The following ERC1 variants were observed in gnomAD, a reference collection of about 807,000 sequenced individuals.
ERC1 encodes ELKS/RAB6-interacting/CAST family member 1.
In ERC1, 56 loss-of-function variants were observed where a neutral mutation model predicts 132.0. The observed-to-expected ratio is 0.42, with a 90% CI of 0.34 to 0.53. ERC1 has a LOEUF of 0.53. Among genes scored for constraint, ERC1 ranks in the 20% least tolerant of loss-of-function variants. The probability of loss-of-function intolerance (pLI) is 0.03; values close to 1 mark genes in which losing one functional copy is unlikely to be tolerated. For synonymous variants in ERC1, 478 were observed against 476.1 expected (o/e 1.00, Z -0.05); for missense variants, 1,202 against 1,349.9 (o/e 0.89, Z 1.72).
intron 14 of ERC1, among the ~76,000 whole-genome samples, chr12:1,265,960 C>T (rs1324181516): frequency 2.0e-5 from 3 of 152,264 alleles, no homozygotes; most frequent in African/African-American, 4.8e-5. Context: ...TGTTGAAGGA[C>T]GTCTTGGTAC....
At chr12:1,352,372 G>A (rs1459295189) in intron 15 of ERC1, among the ~76,000 whole-genome samples, 1 of 152,146 alleles carries the variant, frequency 6.6e-6, no homozygotes, top group African/African-American at 2.4e-5. Context: ...AAAAGACACT[G>A]GGAAAGGCAG....
chr12:1,386,333 G>A (rs367705375), intron 16 of ERC1, among the ~76,000 whole-genome samples: 29 of 151,118 alleles, frequency 1.9e-4, no homozygotes, highest in African/African-American at 6.1e-4. Context: ...CACTGTGCCC[G>A]GTCACAAAAA....
intron 3 of ERC1, among the ~76,000 whole-genome samples, chr12:1,099,835 ATTTTTTTTTTTTTTTTTTT>A (rs779732035): frequency 3.7e-5 from 2 of 54,364 alleles, no homozygotes; most frequent in African/African-American, 7.4e-5. Context: ...TGAGACTTTG[ATTTTTTTTTTTTTTTTTTT>A]TTTTTTTTTT....
chr12:1,409,415 G>C (rs1320802954), intron 17 of ERC1, among the ~76,000 whole-genome samples: 1 of 152,160 alleles, frequency 6.6e-6, no homozygotes, highest in African/African-American at 2.4e-5. Context: ...AGAACTGGAT[G>C]CCTGGAGTAG....
chr12:1,446,131 A>C (rs2093297675), intron 18 of ERC1, among the ~76,000 whole-genome samples: 1 of 152,042 alleles, frequency 6.6e-6, no homozygotes, highest in South Asian at 2.1e-4. Context: ...CCTAGACGAC[A>C]TTTTCTGTTT....
chr12:1,414,397 G>A (rs142670230), intron 17 of ERC1, among the ~76,000 whole-genome samples: 2 of 152,254 alleles, frequency 1.3e-5, no homozygotes, highest in East Asian at 3.9e-4. Context: ...TTTTTATAAA[G>A]GCACTAATTC....
intron 15 of ERC1, among the ~76,000 whole-genome samples, chr12:1,359,947 C>CT (rs35912764): frequency 2.2e-4 from 33 of 149,752 alleles, no homozygotes; most frequent in Non-Finnish European, 3.3e-4. Flanking sequence ...TAGATGCAGG[C>CT]TTTTTTTTTT....
intron 15 of ERC1, among the ~76,000 whole-genome samples, chr12:1,317,168 G>GAAA (rs139637325): frequency 1.9e-5 from 2 of 107,690 alleles, no homozygotes; most frequent in Admixed American, 1.0e-4. Flanking sequence ...TCTCAAAAAC[G>GAAA]AAAAAAAAAA....
At chr12:1,316,523 T>C (rs2081740659) in intron 15 of ERC1, among the ~76,000 whole-genome samples, 1 of 152,146 alleles carries the variant, frequency 6.6e-6, no homozygotes, top group Non-Finnish European at 1.5e-5. Context: ...AATATCTCTG[T>C]GAAATAAAGC....
chr12:1,419,894 C>G (rs2092355493), intron 17 of ERC1, among the ~76,000 whole-genome samples: 1 of 148,056 alleles, frequency 6.8e-6, no homozygotes, highest in Non-Finnish European at 1.5e-5. Flanking sequence ...ACATTCAAAA[C>G]ATGCACTGAA....
intron 12 of ERC1, among the ~76,000 whole-genome samples, chr12:1,225,028 AAAG>A (rs957221302): frequency 6.6e-6 from 1 of 152,136 alleles, no homozygotes; most frequent in Non-Finnish European, 1.5e-5. Flanking sequence ...CAAAAAACAA[AAAG>A]AAAAAAACAT....
chr12:1,248,108 C>T (rs1004285028), intron 13 of ERC1, among the ~76,000 whole-genome samples: 3 of 152,148 alleles, frequency 2.0e-5, no homozygotes, highest in Admixed American at 6.5e-5. Context: ...AGAGTTATAC[C>T]TAGACCTAGA....
intron 3 of ERC1, among the ~76,000 whole-genome samples, chr12:1,100,999 A>G (rs1944595859): frequency 6.6e-6 from 1 of 152,122 alleles, no homozygotes; most frequent in South Asian, 2.1e-4. Flanking sequence ...CCAAGGAAAG[A>G]GAGTAGAATA....
chr12:1,319,435 C>G (rs2081974380), intron 15 of ERC1, among the ~76,000 whole-genome samples: 1 of 152,130 alleles, frequency 6.6e-6, no homozygotes, highest in Admixed American at 6.5e-5. Context: ...GTTTGAGTTT[C>G]TATATTACAC....
intron 16 of ERC1, among the ~76,000 whole-genome samples, chr12:1,384,211 A>T (rs2089049291): frequency 6.6e-6 from 1 of 152,242 alleles, no homozygotes; most frequent in Non-Finnish European, 1.5e-5. Flanking sequence ...GACTGCCCCC[A>T]ATTTTAAAAA....
chr12:1,494,414 A>G lies in ERC1; in HGVS notation c.*4184A>G, dbSNP rs181051658. 337 of 232,194 alleles carry G rather than the reference A, an allele frequency of 1.5e-3. 8 individuals carry two copies. In the East Asian group the frequency reaches 0.02, roughly 14 times the overall value. The allele number at this position is 232,194 out of a possible 1,614,324, so 14.4% of individuals were successfully genotyped here. On this transcript the variant is annotated 3_prime_UTR_variant, in exon 19 of 19. Transcript: ENST00000360905. ...AAGAAAAGACATACATTACAGGGAA[A>G]TCCTTCTGAACAAAATGGCTGTCTT... is the stretch of plus-strand genomic sequence containing the variant.
chr12:1,405,996 CAG>C (rs1034935844), intron 16 of ERC1, among the ~76,000 whole-genome samples: 2 of 152,030 alleles, frequency 1.3e-5, no homozygotes, highest in African/African-American at 4.8e-5. Context: ...TTTTTTAAAA[CAG>C]TATTTTAGAA....
chr12:1,173,979 CA>C (rs1421552037), intron 8 of ERC1, among the ~76,000 whole-genome samples: 1 of 150,770 alleles, frequency 6.6e-6, no homozygotes, highest in Non-Finnish European at 1.5e-5. Context: ...CAGTGGGACT[CA>C]CCTGTTATCC....
At chr12:1,136,478 C>CCT (rs1365181386) in intron 7 of ERC1, among the ~76,000 whole-genome samples, 1 of 152,152 alleles carries the variant, frequency 6.6e-6, no homozygotes, top group Non-Finnish European at 1.5e-5. Context: ...ATTTTGGCAA[C>CCT]ATTCTTCTCC....
Sources: gnomAD v4.1 joint callset for allele counts (sites outside exome capture counted in the v4.1 genomes callset) on GRCh38, gnomAD v4.1.1 for gene constraint, MANE v1.5 for transcripts, NCBI Gene and HGNC (gene_info 2026-07-23, HGNC 2026-07-21) for gene names.